PYCR2: variants seen among roughly 807,000 people sequenced by gnomAD.
The protein encoded by PYCR2 is P5C reductase 2.
In PYCR2, 17 loss-of-function variants were observed where a neutral mutation model predicts 23.4. The observed-to-expected ratio is 0.73, with a 90% CI of 0.50 to 1.09. The LOEUF (loss-of-function observed/expected upper bound fraction) is 1.09, where lower values mean the gene tolerates loss of function less well. Ranked by LOEUF, PYCR2 falls within the 50% of genes least tolerant of loss-of-function variation. PYCR2 has a pLI of 0.00. For synonymous variants in PYCR2, 172 were observed against 176.6 expected, an observed-to-expected ratio of 0.97 and a Z score of 0.21; for missense variants, 380 against 423.5, an observed-to-expected ratio of 0.90 and a Z score of 0.90.
At chr1:225,923,975 T>A (rs1025614310) in intron 1 of PYCR2, 69 bp downstream of exon 1, 1 of 1,517,826 alleles carries the variant, frequency 6.6e-7, no homozygotes, top group African/African-American at 1.4e-5. Context: ...TCGCTCATGC[T>A]GGTGGGACGG....
Position 225,921,073 on chromosome 1 carries a change from G to A in PYCR2, c.797+135C>T. Reference sequence around the variant, plus strand: ...GGTAAACAAAATCTACTAAGTTGTGGTTATTAACAGAGCACAGACTCCAAC... The same window carrying A: ...GGTAAACAAAATCTACTAAGTTGTGATTATTAACAGAGCACAGACTCCAAC... On this transcript the variant is annotated intron_variant, in intron 6 of 6. Transcript: ENST00000343818. This position sits in a 1 kb window ranked among gnomAD's most constrained non-coding sequence, Gnocchi z 4.2. The A allele has an allele frequency of 1.1e-6, 1 of 921,860 alleles. No homozygotes were observed. Among genetic ancestry groups the A allele is most frequent in the East Asian group, 2.5e-5 (1 of 39,652 alleles). 57.1% of individuals were successfully genotyped at this position (921,860 alleles called of 1,614,324 possible). A position where few individuals can be genotyped will look rare whatever the true frequency, so the allele number is the denominator to read the frequency against.
chr1:225,921,460 A>C lies in PYCR2; in HGVS notation c.634-89T>G. On this transcript the variant is annotated intron_variant, in intron 5 of 6. Coordinates refer to ENST00000343818, the MANE Select transcript of PYCR2 (RefSeq NM_013328.4). This position sits in a 1 kb window ranked among gnomAD's most constrained non-coding sequence, Gnocchi z 4.2. ...ACTGCTCCTGCCCAACTGCTACCCC[A>C]GCTTCCCAACCAACTCCCACCTCAG... The C allele has an allele frequency of 1.3e-6, 2 of 1,557,614 alleles. No individual in the cohort carries two copies. The highest frequency in any genetic ancestry group is 2.3e-5 in the South Asian group (2 of 88,742).
chr1:225,922,279 C>G lies in PYCR2; in HGVS notation c.243G>C (p.Glu81Asp), dbSNP rs1178338008. ...KPHIIPFILD[E>D]IGADVQARHI... ...GTCTGGCTTGCACGTCGGCCCCAAT[C>G]TCATCCAGGATGAAGGGGATGATAT... Residue 81 changes from glutamate (E) to aspartate (D), a missense_variant, in exon 3 of 7, where the codon GAG becomes GAC. Physicochemically the swap from Glu to Asp is conservative, Grantham distance 45. Coordinates refer to ENST00000343818, the MANE Select transcript of PYCR2 (RefSeq NM_013328.4). The G allele has an allele frequency of 6.2e-7, 1 of 1,614,260 alleles. No individual in the cohort carries two copies. The highest frequency in any genetic ancestry group is 8.5e-7 in the Non-Finnish European group (1 of 1,180,050).
Position 225,920,531 on chromosome 1 carries a change from G to A in PYCR2, c.887C>T (p.Thr296Ile), listed in dbSNP as rs1671808156. ...GCTGGAGGGGGTCAGTGTGGAGACT[G>A]TGGGGGATTCCAGCTTCACTCTGTC... ...LLDRVKLESP[T>I]VSTLTPSSPG... The change falls in exon 7 of 7, where the codon ACA (threonine) becomes ATA (isoleucine). Residue 296 changes from threonine to isoleucine, a missense_variant. Physicochemically the swap from Thr to Ile is moderately conservative, Grantham distance 89. Transcript: ENST00000343818. 5.7e-6 allele frequency: 9 copies of A among 1,578,376 alleles called. No homozygotes were observed. The East Asian group carries it at 1.6e-4, about 27-fold the overall frequency.
chr1:225,922,132 A>G, intron 3 of PYCR2, 53 bp from the exon 4 acceptor site: 1 of 1,606,786 alleles, frequency 6.2e-7, no homozygotes, highest in African/African-American at 1.3e-5. Flanking sequence ...TCCCACCAGC[A>G]CCCACCCATT....
At position 225,921,284 on chromosome 1, in the gene PYCR2, C is replaced by A. The variant is rs1294272990; in HGVS notation, c.721G>T (p.Ala241Ser). 4 of 1,612,428 alleles carry A rather than the reference C, an allele frequency of 2.5e-6. No individual in the cohort carries two copies. Among genetic ancestry groups the A allele is most frequent in the African/African-American group, 2.7e-5 (2 of 74,902 alleles). Residue 241 changes from alanine to serine, a missense_variant, in exon 6 of 7, where the codon GCC becomes TCC. Transcript: ENST00000343818. This position sits in a 1 kb window ranked among gnomAD's most constrained non-coding sequence, Gnocchi z 4.2. ...CCCCCACTCTCTAGAAAGTGCAGGG[C>A]GTGGATGGTGGCTCCCCCAGGGGAG... is the stretch of plus-strand genomic sequence containing the variant. ...VCSPGGATIH[A>S]LHFLESGGFR...
At position 225,920,274 on chromosome 1, in the gene PYCR2, C is replaced by T; in HGVS notation, c.*181G>A. The T allele has an allele frequency of 4.1e-6, 2 of 485,776 alleles. No individual in the cohort carries two copies. The highest frequency in any genetic ancestry group is 3.7e-5 in the East Asian group (1 of 27,236). The allele number at this position is 485,776 out of a possible 1,614,324, so 30.1% of individuals were successfully genotyped here. A position where few individuals can be genotyped will look rare whatever the true frequency, so the allele number is the denominator to read the frequency against. ...CCAACATGGGACAGGAGAGGAAGCT[C>T]GCATTGCTTGGTCTGAACAGATTTA... On this transcript the variant is annotated 3_prime_UTR_variant, in exon 7 of 7. Transcript: ENST00000343818.
At chr1:225,923,323 C>T (rs1441502595) in intron 2 of PYCR2, 6 of 457,510 alleles carry the variant, frequency 1.3e-5, no homozygotes, top group Non-Finnish European at 1.5e-5. Context: ...AGGTGGGAGG[C>T]GGAGGTTACA....
At chr1:225,922,453 C>G (rs1416630838) in intron 2 of PYCR2, 70 bp from the exon 3 acceptor site, 11 of 1,528,562 alleles carry the variant, frequency 7.2e-6, no homozygotes, top group Admixed American at 1.8e-5. Context: ...CAGGGAGCAG[C>G]TGAACCCCTG....
intron 2 of PYCR2, chr1:225,922,907 T>C (rs1415163041): frequency 1.2e-6 from 1 of 821,626 alleles, no homozygotes; most frequent in East Asian, 1.2e-4. Flanking sequence ...AGACACTGCC[T>C]GTCACCTGCC....
chr1:225,922,454 T>A lies in PYCR2; in HGVS notation c.139-71A>T. 4 of 1,529,026 alleles carry A rather than the reference T, an allele frequency of 2.6e-6. No homozygotes were observed. In the Admixed American group the frequency reaches 7.2e-5, roughly 28 times the overall value. 94.7% of individuals were successfully genotyped at this position (1,529,026 alleles called of 1,614,324 possible). ...ATGCCAAGGCCTCCCAGGGAGCAGCTGAACCCCTGCCAAACCGATTCTGCC... is the reference window on the plus strand; with the variant it reads ...ATGCCAAGGCCTCCCAGGGAGCAGCAGAACCCCTGCCAAACCGATTCTGCC... On this transcript the variant is annotated intron_variant, in intron 2 of 6. Coordinates refer to ENST00000343818, the MANE Select transcript of PYCR2 (RefSeq NM_013328.4).
rs1576148846 is a variant in PYCR2 at position 225,923,569 on chromosome 1, C to A, written c.138+132G>T. ...CCAAGAGAAGGTGGAAAGATTGTCACGTTCCTGGAGTAAAGGTCACCGCCG... is the reference window on the plus strand; with the variant it reads ...CCAAGAGAAGGTGGAAAGATTGTCAAGTTCCTGGAGTAAAGGTCACCGCCG... On this transcript the variant is annotated intron_variant, in intron 2 of 6. Transcript: ENST00000343818. The A allele has an allele frequency of 4.6e-6, 7 of 1,528,070 alleles. No individual in the cohort carries two copies. The South Asian group carries it at 8.7e-5, about 19-fold the overall frequency. The allele number at this position is 1,528,070 out of a possible 1,614,324, so 94.7% of individuals were successfully genotyped here.
At chr1:225,920,912 T>C (rs1314107826) in intron 6 of PYCR2, among the ~76,000 whole-genome samples, 1 of 152,242 alleles carries the variant, frequency 6.6e-6, no homozygotes, top group Non-Finnish European at 1.5e-5. Flanking sequence ...ATTAGAATCC[T>C]GTCTCCATCA....
rs776488784 is a variant in PYCR2 at position 225,921,603 on chromosome 1, C to A, written c.582G>T (p.Lys194Asn). The change falls in exon 5 of 7, where the codon AAG becomes AAT. Residue 194 changes from lysine (K) to asparagine (N), a missense_variant. Coordinates refer to ENST00000343818, the MANE Select transcript of PYCR2 (RefSeq NM_013328.4). This position sits in a 1 kb window ranked among gnomAD's most constrained non-coding sequence, Gnocchi z 4.2. Reference sequence around the variant, plus strand: ...TTGCCAGGCGCCGTGGCAAACCCATCTTCACCCCACCATCAGCCAATGCGT... The same window carrying A: ...TTGCCAGGCGCCGTGGCAAACCCATATTCACCCCACCATCAGCCAATGCGT... Reference protein sequence around the residue: ...ALDALADGGVKMGLPRRLAIQ... With the variant: ...ALDALADGGVNMGLPRRLAIQ... 1.4e-5 allele frequency: 23 copies of A among 1,614,126 alleles called. No homozygotes were observed. The highest frequency in any genetic ancestry group is 1.9e-5 in the Non-Finnish European group (22 of 1,180,038).
Position 225,920,512 on chromosome 1 carries a change from G to A in PYCR2, c.906C>T (p.Pro302=), listed in dbSNP as rs923408198. 2 of 1,538,886 alleles carry A rather than the reference G, an allele frequency of 1.3e-6. No homozygotes were observed. The highest frequency in any genetic ancestry group is 1.8e-6 in the Non-Finnish European group (2 of 1,120,522). The change falls in exon 7 of 7, where the codon CCC becomes CCT. Residue 302 remains proline, a synonymous_variant. Coordinates refer to ENST00000343818, the MANE Select transcript of PYCR2 (RefSeq NM_013328.4). ...TTGTGAGGAGCTTCCCTGGGCTGGA[G>A]GGGGTCAGTGTGGAGACTGTGGGGG... ...LESPTVSTLT[P]SSPGKLLTRS...
chr1:225,923,430 C>T, intron 2 of PYCR2: 2 of 1,304,682 alleles, frequency 1.5e-6, no homozygotes, highest in Admixed American at 3.3e-5. Context: ...TAGGTACCTA[C>T]TATGTGCCAG....
chr1:225,922,333 G>C lies in PYCR2; in HGVS notation c.189C>G (p.Ser63Arg). 5 of 1,614,158 alleles carry C rather than the reference G, an allele frequency of 3.1e-6. No homozygotes were observed. The highest frequency in any genetic ancestry group is 4.2e-6 in the Non-Finnish European group (5 of 1,180,038). ...GCTTCACAGCCAGAAACAGGACGTC[G>C]CTGTGCTTCACCGTCTCCTTGTTGC... ...TRSNKETVKHSDVLFLAVKPH... is the reference protein window; with the variant it reads ...TRSNKETVKHRDVLFLAVKPH... Residue 63 changes from serine (S) to arginine (R), a missense_variant, in exon 3 of 7, where the codon AGC (serine) becomes AGG (arginine). Transcript: ENST00000343818.
chr1:225,922,119 G>A lies in PYCR2; in HGVS notation c.319-40C>T, dbSNP rs1209590591. On this transcript the variant is annotated intron_variant, in intron 3 of 6. Coordinates refer to ENST00000343818, the MANE Select transcript of PYCR2 (RefSeq NM_013328.4). ...AGAGCCGAATGAGTGGCCAGGGCAC[G>A]GCTCCCACCAGCACCCACCCATTAG... is the stretch of plus-strand genomic sequence containing the variant. 3.7e-6 allele frequency: 6 copies of A among 1,608,458 alleles called. No homozygotes were observed. The African/African-American group carries it at 4.0e-5, about 11-fold the overall frequency.
chr1:225,921,465 CCCAA>C lies in PYCR2; in HGVS notation c.633+83_633+86del, dbSNP rs1671835191. ...TCCTGCCCAACTGCTACCCCAGCTTCCCAACCAACTCCCACCTCAGTTCAGTGAT... is the reference window on the plus strand; with the variant it reads ...TCCTGCCCAACTGCTACCCCAGCTTCCCAACTCCCACCTCAGTTCAGTGAT... On this transcript the variant is annotated intron_variant, in intron 5 of 6. Transcript: ENST00000343818. The surrounding 1 kb of genome is among the most constrained non-coding windows in gnomAD (Gnocchi z 4.2). 2 of 1,566,234 alleles carry C rather than the reference CCCAA, an allele frequency of 1.3e-6. No individual in the cohort carries two copies. The highest frequency in any genetic ancestry group is 1.8e-6 in the Non-Finnish European group (2 of 1,140,510).
Sources: allele counts gnomAD v4.1 joint callset (sites outside exome capture counted in the v4.1 genomes callset), GRCh38; gene constraint gnomAD v4.1.1; non-coding constraint Gnocchi (gnomAD v3.1); transcripts MANE v1.5; gene names NCBI Gene and HGNC (gene_info 2026-07-23, HGNC 2026-07-21).